Variants in HP1BP3 observed in about 807,000 individuals in gnomAD.
The protein encoded by HP1BP3 is heterochromatin protein 1-binding protein 3.
A neutral mutation model predicts 62.5 loss-of-function variants in HP1BP3; 12 were observed. The observed-to-expected ratio is 0.19, with a 90% CI of 0.12 to 0.31. The LOEUF (loss-of-function observed/expected upper bound fraction) is 0.31. Among genes scored for constraint, HP1BP3 ranks in the 10% least tolerant of loss-of-function variants. The probability of loss-of-function intolerance (pLI) is 1.00; values close to 1 mark genes in which losing one functional copy is unlikely to be tolerated. For missense variants in HP1BP3, 502 were observed against 651.8 expected (o/e 0.77, Z 2.50); for synonymous variants, 260 against 237.8 (o/e 1.09, Z -0.86).
chr1:20,771,170 G>A, intron 5 of HP1BP3, 97 bp from the exon 6 acceptor site: 2 of 1,021,764 alleles, frequency 2.0e-6, no homozygotes, highest in Middle Eastern at 2.1e-4. Flanking sequence ...TTTGATGATA[G>A]ATGACAAAAA....
intron 11 of HP1BP3, among the ~76,000 whole-genome samples, chr1:20,747,301 C>G (rs2055400050): frequency 6.6e-6 from 1 of 151,928 alleles, no homozygotes; most frequent in South Asian, 2.1e-4. Flanking sequence ...ATCAGAAATA[C>G]AACATCCACA....
rs1475172258 is a variant in HP1BP3 at position 20,782,869 on chromosome 1, C to CA, written c.-100-2330dup. ...GAGCCGAGATTGTGCCACTGCACTC[C>CA]AGCCTGGGCGACAGAGCAAGACTCC... On this transcript the variant is annotated intron_variant, in intron 1 of 12. Transcript: ENST00000438032. Among the ~76,000 whole-genome samples the CA allele has an allele frequency of 4.9e-5, 7 of 143,606 alleles. No homozygotes were observed. The East Asian group carries it at 1.4e-3, about 29-fold the overall frequency. 94.2% of individuals were successfully genotyped at this position (143,606 alleles called of 152,430 possible).
At chr1:20,754,153 CAAG>C (rs1262741084) in intron 9 of HP1BP3, among the ~76,000 whole-genome samples, 3 of 152,174 alleles carry the variant, frequency 2.0e-5, no homozygotes, top group Non-Finnish European at 4.4e-5. Flanking sequence ...GTGAGTTCAG[CAAG>C]GGCGAAGGAT....
intron 8 of HP1BP3, among the ~76,000 whole-genome samples, chr1:20,764,381 G>A (rs566948806): frequency 1.3e-5 from 2 of 150,310 alleles, no homozygotes; most frequent in African/African-American, 2.4e-5. Context: ...TTTGCTCTTG[G>A]TGCCCAGGCT....
At chr1:20,760,473 C>T (rs978039304) in intron 8 of HP1BP3, among the ~76,000 whole-genome samples, 3 of 151,852 alleles carry the variant, frequency 2.0e-5, no homozygotes, top group African/African-American at 4.8e-5. Context: ...CCTAGGAGTT[C>T]GAGGTTGCCA....
At chr1:20,757,974 G>A (rs12039653) in intron 8 of HP1BP3, among the ~76,000 whole-genome samples, 2 of 151,806 alleles carry the variant, frequency 1.3e-5, no homozygotes, top group Admixed American at 1.3e-4. Context: ...TGAAACCTCA[G>A]CTCTACTAAA....
At chr1:20,758,773 C>G (rs181853646) in intron 8 of HP1BP3, among the ~76,000 whole-genome samples, 1 of 151,730 alleles carries the variant, frequency 6.6e-6, no homozygotes, top group South Asian at 2.1e-4. Flanking sequence ...TTCAGCCTCC[C>G]GAGTAGTTGG....
chr1:20,767,494 C>T, intron 7 of HP1BP3, 90 bp downstream of exon 7: 2 of 884,190 alleles, frequency 2.3e-6, no homozygotes, highest in Non-Finnish European at 3.8e-6. Flanking sequence ...TTGCATAGTG[C>T]CAGGCACACA....
At chr1:20,764,039 T>C (rs1169373740) in intron 8 of HP1BP3, among the ~76,000 whole-genome samples, 2 of 152,200 alleles carry the variant, frequency 1.3e-5, no homozygotes, top group African/African-American at 4.8e-5. Flanking sequence ...TATACCCAGA[T>C]GCAATTTTTC....
intron 9 of HP1BP3, among the ~76,000 whole-genome samples, chr1:20,756,958 C>A (rs1046715179): frequency 1.3e-5 from 2 of 152,164 alleles, no homozygotes; most frequent in African/African-American, 4.8e-5. Flanking sequence ...GATCCACCTG[C>A]CTTAGCCTCC....
intron 10 of HP1BP3, among the ~76,000 whole-genome samples, chr1:20,748,881 T>C (rs530896513): frequency 6.6e-6 from 1 of 152,230 alleles, no homozygotes; most frequent in Non-Finnish European, 1.5e-5. Flanking sequence ...CTTCTAATAG[T>C]TCATTGAGAA....
intron 9 of HP1BP3, among the ~76,000 whole-genome samples, chr1:20,756,122 T>C (rs2056092820): frequency 6.6e-6 from 1 of 152,196 alleles, no homozygotes; most frequent in African/African-American, 2.4e-5. Context: ...AAACTGTAAT[T>C]ATATAAATTA....
rs140568782 is a variant in HP1BP3, at chr1:20,773,073, G to A, written c.510+378C>T. ...CTGAGTCACAATTAGATTTATAAGG[G>A]CAAGGACTTTGCTAGCCTTAGTTAA... On this transcript the variant is annotated intron_variant, in intron 5 of 12. Coordinates refer to ENST00000438032, the MANE Select transcript of HP1BP3 (RefSeq NM_001372052.1). Among the ~76,000 whole-genome samples, 4 of 152,182 alleles carry A rather than the reference G, an allele frequency of 2.6e-5. No homozygotes were observed. The East Asian group carries it at 7.7e-4, about 29-fold the overall frequency.
chr1:20,753,408 A>T (rs2055903577), intron 9 of HP1BP3, among the ~76,000 whole-genome samples: 1 of 152,240 alleles, frequency 6.6e-6, no homozygotes, highest in Non-Finnish European at 1.5e-5. Context: ...GAGAAAATTT[A>T]AATCCTGAAA....
chr1:20,752,559 G>C (rs2055838136), intron 9 of HP1BP3, among the ~76,000 whole-genome samples: 1 of 152,054 alleles, frequency 6.6e-6, no homozygotes, highest in African/African-American at 2.4e-5. Context: ...CAAATTGCTA[G>C]GATTACAGGT....
At chr1:20,785,356 C>T (rs1342729349) in intron 1 of HP1BP3, among the ~76,000 whole-genome samples, 1 of 152,154 alleles carries the variant, frequency 6.6e-6, no homozygotes, top group Non-Finnish European at 1.5e-5. Flanking sequence ...TACTGATATC[C>T]TTGATAATAT....
rs1315935902 is a variant in HP1BP3, at chr1:20,744,096, A to G, written c.*701T>C. 6.6e-6 allele frequency: 1 copy of G among 152,374 alleles called. No homozygotes were observed. Among genetic ancestry groups the G allele is most frequent in the Non-Finnish European group, 1.5e-5 (1 of 68,024 alleles). The allele number at this position is 152,374 out of a possible 1,614,324, so 9.4% of individuals were successfully genotyped here. On this transcript the variant is annotated 3_prime_UTR_variant, in exon 13 of 13. Transcript: ENST00000438032. ...ACGACGACAACAACAACAACAACAA[A>G]AAACAAGTGATATAGAGAACTTGTG...
chr1:20,746,041 T>TA lies in HP1BP3; in HGVS notation c.1254-386dup, dbSNP rs201047036. ...ATACTGGCAAAAGACCTCCAAGTCT[T>TA]AAAAAAAAAGACCTCAAAGGCCTAA... is the stretch of plus-strand genomic sequence containing the variant. On this transcript the variant is annotated intron_variant, in intron 11 of 12. Coordinates refer to ENST00000438032, the MANE Select transcript of HP1BP3 (RefSeq NM_001372052.1). Among the ~76,000 whole-genome samples the TA allele has an allele frequency of 1.6e-3, 244 of 151,086 alleles. 2 individuals are homozygous for TA. The highest frequency in any genetic ancestry group is 5.0e-3 in the African/African-American group (204 of 41,200).
At chr1:20,779,726 A>AAC in intron 3 of HP1BP3, 86 bp downstream of exon 3, 3 of 834,862 alleles carry the variant, frequency 3.6e-6, no homozygotes, top group South Asian at 1.8e-5. Flanking sequence ...AAAAAAAAAA[A>AAC]CAATTAAGTT....
Sources: gnomAD v4.1 joint callset for allele counts (sites outside exome capture counted in the v4.1 genomes callset) on GRCh38, gnomAD v4.1.1 for gene constraint, MANE v1.5 for transcripts, NCBI Gene and HGNC (gene_info 2026-07-23, HGNC 2026-07-21) for gene names.